The following PSMD9 variants were observed in gnomAD, a reference collection of about 807,000 sequenced individuals.
PSMD9 encodes proteasome 26S subunit, non-ATPase 9.
PSMD9 carries 26 observed loss-of-function variants against 25.9 expected under a neutral mutation model. That is an observed-to-expected ratio of 1.00 (90% confidence interval 0.73 to 1.39). The LOEUF is 1.39. Among genes scored for constraint, PSMD9 ranks in the 40% most tolerant of loss-of-function variants. The pLI is 0.00. For synonymous variants in PSMD9, 110 were observed against 114.5 expected (o/e 0.96, Z 0.25); for missense variants, 303 against 299.3 (o/e 1.01, Z -0.09).
chr12:121,894,887 G>T, intron 2 of PSMD9, 46 bp downstream of exon 2: 8 of 1,490,564 alleles, frequency 5.4e-6, no homozygotes, highest in Non-Finnish European at 7.4e-6. Context: ...TGGTGGGAAG[G>T]TGTTAAAGGC....
rs183610386 is a variant in PSMD9 at position 121,899,453 on chromosome 12, C to T, written c.242-181C>T. 169 of 616,570 alleles carry T rather than the reference C, an allele frequency of 2.7e-4. No individual in the cohort carries two copies. The African/African-American group carries it at 3.0e-3, about 11-fold the overall frequency. 38.2% of individuals were successfully genotyped at this position (616,570 alleles called of 1,614,324 possible). ...ATTGTAATTACTTATTCTGGAGCTG[C>T]TCCTTGCAGGACTGAATGCTCCATG... is the stretch of plus-strand genomic sequence containing the variant. On this transcript the variant is annotated intron_variant, in intron 2 of 5. Transcript: ENST00000541212.
chr12:121,913,657 A>G (rs576743148), intron 4 of PSMD9, among the ~76,000 whole-genome samples: 1 of 151,504 alleles, frequency 6.6e-6, no homozygotes, highest in African/African-American at 2.4e-5. Flanking sequence ...AAGCCTGGCT[A>G]ATTAAAAAAA....
chr12:121,901,707 G>A (rs1274723962), intron 3 of PSMD9, among the ~76,000 whole-genome samples: 5 of 107,530 alleles, frequency 4.6e-5, no homozygotes, highest in Non-Finnish European at 8.5e-5. Flanking sequence ...ACGGAGTCTC[G>A]CTCTGTCGCC....
At chr12:121,900,160 T>C (rs1879349691) in intron 3 of PSMD9, among the ~76,000 whole-genome samples, 1 of 152,066 alleles carries the variant, frequency 6.6e-6, no homozygotes, top group Non-Finnish European at 1.5e-5. Flanking sequence ...CACTGAATGA[T>C]GAAAATGAGA....
At chr12:121,916,216 G>T (rs1262561929) in intron 5 of PSMD9, 68 bp from the exon 6 acceptor site, 1 of 1,568,258 alleles carries the variant, frequency 6.4e-7, no homozygotes, top group Non-Finnish European at 8.8e-7. Context: ...AGGTCAGAAG[G>T]GCTCAGCCTC....
At chr12:121,906,816 CAA>C (rs577687349) in intron 4 of PSMD9, among the ~76,000 whole-genome samples, 2 of 134,730 alleles carry the variant, frequency 1.5e-5, no homozygotes, top group Non-Finnish European at 1.6e-5. Flanking sequence ...TCTCCCATCT[CAA>C]AAAAAAAAAA....
intron 3 of PSMD9, 47 bp downstream of exon 3, chr12:121,899,892 G>A (rs540404280): frequency 6.2e-6 from 10 of 1,603,236 alleles, no homozygotes; most frequent in Non-Finnish European, 8.5e-6. Flanking sequence ...GGGACACGGT[G>A]GGTCAGGTAG....
At chr12:121,912,237 C>T (rs181468713) in intron 4 of PSMD9, among the ~76,000 whole-genome samples, 86 of 151,348 alleles carry the variant, frequency 5.7e-4, no homozygotes, top group Non-Finnish European at 9.7e-4. Flanking sequence ...GCCGTGTTGC[C>T]CAGGCTGGTC....
At chr12:121,908,703 T>C (rs1879631261) in intron 4 of PSMD9, among the ~76,000 whole-genome samples, 1 of 152,066 alleles carries the variant, frequency 6.6e-6, no homozygotes, top group Admixed American at 6.6e-5. Flanking sequence ...GTTAAGAAGC[T>C]CAGAGAGTAA....
intron 4 of PSMD9, among the ~76,000 whole-genome samples, chr12:121,905,481 C>T (rs572887478): frequency 6.6e-6 from 1 of 151,600 alleles, no homozygotes; most frequent in South Asian, 2.1e-4. Flanking sequence ...GCCTTGGCCT[C>T]CCAAAGTGCT....
At chr12:121,915,429 C>T (rs1293266657) in intron 4 of PSMD9, 1 of 159,860 alleles carries the variant, frequency 6.3e-6, no homozygotes, top group Admixed American at 6.4e-5. Context: ...TGTATTTGAA[C>T]AATACCTATT....
intron 3 of PSMD9, among the ~76,000 whole-genome samples, chr12:121,900,266 G>C (rs1565892236): frequency 6.6e-6 from 1 of 152,068 alleles, no homozygotes; most frequent in Non-Finnish European, 1.5e-5. Flanking sequence ...CCCAGCACTT[G>C]AGAAGGCTGA....
At chr12:121,891,525 G>A (rs1351600809) in intron 1 of PSMD9, among the ~76,000 whole-genome samples, 5 of 151,716 alleles carry the variant, frequency 3.3e-5, no homozygotes, top group South Asian at 2.1e-4. Context: ...GCCTGAACCC[G>A]GGATGTGGAG....
chr12:121,899,888 C>T lies in PSMD9; in HGVS notation c.453+43C>T, dbSNP rs373911994. The T allele has an allele frequency of 2.3e-5, 37 of 1,607,332 alleles. No homozygotes were observed. The East Asian group carries it at 4.0e-4, about 17-fold the overall frequency. On this transcript the variant is annotated intron_variant, in intron 3 of 5. Coordinates refer to ENST00000541212, the MANE Select transcript of PSMD9 (RefSeq NM_002813.7). ...CACTCAAGTCCATGCCCAGGGGACA[C>T]GGTGGGTCAGGTAGCCTTCGGGGAT...
chr12:121,889,035 C>T, intron 1 of PSMD9, 41 bp downstream of exon 1: 1 of 1,555,354 alleles, frequency 6.4e-7, no homozygotes. Context: ...CCTAACCCGG[C>T]CCGGAGTCCC....
chr12:121,896,768 G>C (rs1184161437), intron 2 of PSMD9, among the ~76,000 whole-genome samples: 2 of 150,864 alleles, frequency 1.3e-5, no homozygotes, highest in African/African-American at 2.4e-5. Context: ...CCCAGGAGGC[G>C]GAGGTTGCCG....
At chr12:121,904,177 G>A (rs913831549) in intron 4 of PSMD9, among the ~76,000 whole-genome samples, 5 of 151,682 alleles carry the variant, frequency 3.3e-5, no homozygotes, top group African/African-American at 1.2e-4. Context: ...TCTGTAACTT[G>A]TATGGACGTT....
chr12:121,899,428 A>G (rs1195946244), intron 2 of PSMD9: 6 of 572,128 alleles, frequency 1.0e-5, no homozygotes, highest in Non-Finnish European at 1.6e-5. Flanking sequence ...ATCAGATGTT[A>G]TTGTAATTAC....
At chr12:121,904,141 G>C (rs1279888116) in intron 4 of PSMD9, among the ~76,000 whole-genome samples, 1 of 151,980 alleles carries the variant, frequency 6.6e-6, no homozygotes, top group Non-Finnish European at 1.5e-5. Context: ...TCAGGCCATC[G>C]TTTCTGCACT....
Sources: gnomAD v4.1 joint callset for allele counts (sites outside exome capture counted in the v4.1 genomes callset) on GRCh38, gnomAD v4.1.1 for gene constraint, MANE v1.5 for transcripts, NCBI Gene and HGNC (gene_info 2026-07-23, HGNC 2026-07-21) for gene names.